Variants in ZNF676 observed in about 807,000 individuals in gnomAD.
The protein encoded by ZNF676 is zinc finger protein 676.
A neutral mutation model predicts 6.0 loss-of-function variants in ZNF676; 4 were observed. The observed-to-expected ratio is 0.67, with a 90% CI of 0.33 to 1.53. ZNF676 has a LOEUF of 1.53. Ranked by LOEUF, ZNF676 falls within the 40% of genes most tolerant of loss-of-function variation. The pLI is 0.06. For synonymous variants in ZNF676, 198 were observed against 223.1 expected, an observed-to-expected ratio of 0.89 and a Z score of 1.00; for missense variants, 644 against 679.7, an observed-to-expected ratio of 0.95 and a Z score of 0.58.
the ZNF676 span, among the ~76,000 whole-genome samples, chr19:22,258,623 C>T: frequency 2.6e-4 from 40 of 152,256 alleles, no homozygotes; most frequent in Admixed American, 1.0e-3. Context: ...AGGAGATTTA[C>T]ATCACCTGGG....
intron 1 of ZNF676, among the ~76,000 whole-genome samples, chr19:22,209,325 A>T (rs1000222285): frequency 6.7e-6 from 1 of 149,340 alleles, no homozygotes; most frequent in Non-Finnish European, 1.5e-5. Context: ...CTGTGTGGCC[A>T]TTAAAAAAAA....
At chr19:22,186,547 G>GTAAACA (rs2023842895) in intron 2 of ZNF676, among the ~76,000 whole-genome samples, 1 of 152,160 alleles carries the variant, frequency 6.6e-6, no homozygotes, top group African/African-American at 2.4e-5. Flanking sequence ...AACCTTAAAT[G>GTAAACA]TAAACAGGCT....
upstream of ZNF676, chr19:22,215,803 C>CG (rs535559247): frequency 1.3e-4 from 90 of 679,890 alleles, no homozygotes; most frequent in Non-Finnish European, 1.7e-4. Flanking sequence ...CCTGTCCCCC[C>CG]CCCCAGCTGC....
chr19:22,181,759 AT>A (rs2023756996), intron 2 of ZNF676, among the ~76,000 whole-genome samples, 173 bp from the exon 3 acceptor site: 1 of 152,180 alleles, frequency 6.6e-6, no homozygotes, highest in African/African-American at 2.4e-5. Context: ...ATAGACCAAA[AT>A]ACATATGTGA....
intron 2 of ZNF676, among the ~76,000 whole-genome samples, chr19:22,189,559 A>C (rs2023877829): frequency 6.6e-6 from 1 of 152,170 alleles, no homozygotes; most frequent in African/African-American, 2.4e-5. Flanking sequence ...ACAGCAAAAG[A>C]AACTATCATC....
the ZNF676 span, among the ~76,000 whole-genome samples, chr19:22,235,509 T>G: frequency 6.6e-6 from 1 of 152,174 alleles, no homozygotes; most frequent in African/African-American, 2.4e-5. Flanking sequence ...ACCTTTTACC[T>G]TAGAAGGAAT....
chr19:22,253,919 C>A, the ZNF676 span, among the ~76,000 whole-genome samples: 1 of 152,116 alleles, frequency 6.6e-6, no homozygotes, highest in Non-Finnish European at 1.5e-5. Context: ...TCTTTTATGA[C>A]CTTAATACAT....
chr19:22,220,700 C>A (rs1171614453), upstream of ZNF676, among the ~76,000 whole-genome samples: 2 of 152,076 alleles, frequency 1.3e-5, no homozygotes, highest in Admixed American at 6.6e-5. Flanking sequence ...CAAGTGATCC[C>A]CCCACCTCGT....
the ZNF676 span, among the ~76,000 whole-genome samples, chr19:22,247,484 A>G: frequency 6.6e-6 from 1 of 152,076 alleles, no homozygotes; most frequent in Non-Finnish European, 1.5e-5. Context: ...GAATCACTTG[A>G]ACACGGGAGG....
chr19:22,194,947 T>C (rs1648294284), intron 1 of ZNF676, among the ~76,000 whole-genome samples: 1 of 152,168 alleles, frequency 6.6e-6, no homozygotes, highest in Non-Finnish European at 1.5e-5. Flanking sequence ...TTTGGGGACC[T>C]ATACCAGCAG....
chr19:22,258,141 C>T, the ZNF676 span, among the ~76,000 whole-genome samples: 1 of 151,822 alleles, frequency 6.6e-6, no homozygotes, highest in Admixed American at 6.6e-5. Context: ...ATAAGTCACT[C>T]TCTTCTCTGT....
intron 2 of ZNF676, among the ~76,000 whole-genome samples, chr19:22,183,885 T>C (rs1204510111): frequency 2.0e-5 from 3 of 152,172 alleles, no homozygotes; most frequent in Non-Finnish European, 2.9e-5. Context: ...TAAAAAATAA[T>C]AGATTAACTG....
chr19:22,195,270 A>G (rs182944169), intron 1 of ZNF676, among the ~76,000 whole-genome samples: 109 of 152,278 alleles, frequency 7.2e-4, no homozygotes, highest in African/African-American at 2.5e-3. Context: ...AAGAAATTTT[A>G]TGGGCTTATG....
chr19:22,182,390 T>C (rs2023768129), intron 2 of ZNF676, among the ~76,000 whole-genome samples: 1 of 151,778 alleles, frequency 6.6e-6, no homozygotes, highest in Non-Finnish European at 1.5e-5. Flanking sequence ...ATCAAAAATA[T>C]TATAAAGTTT....
the ZNF676 span, among the ~76,000 whole-genome samples, chr19:22,224,206 A>T: frequency 6.7e-6 from 1 of 148,566 alleles, no homozygotes; most frequent in Non-Finnish European, 1.5e-5. Flanking sequence ...TGATGAGTAA[A>T]CATTTCTGTT....
the ZNF676 span, chr19:22,244,036 CTCT>C: frequency 1.6e-5 from 2 of 128,914 alleles, no homozygotes; most frequent in Non-Finnish European, 3.1e-5. Flanking sequence ...TTTCTTTCTT[CTCT>C]TTTTTTTTTT....
chr19:22,232,562 C>T, the ZNF676 span, among the ~76,000 whole-genome samples: 3 of 152,166 alleles, frequency 2.0e-5, no homozygotes, highest in East Asian at 3.9e-4. Context: ...AAGTATAAAA[C>T]AATCATTCCT....
At chr19:22,231,574 G>A in the ZNF676 span, among the ~76,000 whole-genome samples, 2 of 62,630 alleles carry the variant, frequency 3.2e-5, no homozygotes, top group East Asian at 8.0e-4. Flanking sequence ...AGCAGAAGAG[G>A]TCAAAATAAT....
chr19:22,253,521 T>C, the ZNF676 span, among the ~76,000 whole-genome samples: 2 of 107,340 alleles, frequency 1.9e-5, no homozygotes, highest in Admixed American at 1.2e-4. Flanking sequence ...TATGTATATA[T>C]ACACATTAAA....
Sources: gnomAD v4.1 joint callset for allele counts (sites outside exome capture counted in the v4.1 genomes callset) on GRCh38, gnomAD v4.1.1 for gene constraint, MANE v1.5 for transcripts, NCBI Gene and HGNC (gene_info 2026-07-23, HGNC 2026-07-21) for gene names.